Variants in GPC5 observed in about 807,000 individuals in gnomAD.
GPC5 encodes glypican-5.
GPC5 carries 47 observed loss-of-function variants against 53.9 expected under a neutral mutation model. The ratio of observed to expected loss-of-function variants is 0.87; its 90% CI spans 0.69 to 1.11. The LOEUF is 1.11. GPC5 is among the 50% of genes most tolerant of loss of function. GPC5 has a pLI of 0.00. For missense variants in GPC5, 748 were observed against 713.1 expected (o/e 1.05, Z -0.56); for synonymous variants, 286 against 263.3 (o/e 1.09, Z -0.84).
Position 91,975,077 on chromosome 13 carries a change from A to G in GPC5, c.1401+67020A>G, listed in dbSNP as rs368668136. 9.9e-5 allele frequency among the ~76,000 whole-genome samples: 15 copies of G among 152,200 alleles called. 1 individual carries two copies. Among genetic ancestry groups the G allele is most frequent in the Admixed American group, 7.2e-4 (11 of 15,282 alleles). ...AAACTGGCTAGACATATGTAGAAAG[A>G]TGAAACTGGATCCCTTCCTCACACC... On this transcript the variant is annotated intron_variant, in intron 6 of 7. Coordinates refer to ENST00000377067, the MANE Select transcript of GPC5 (RefSeq NM_004466.6).
intron 2 of GPC5, among the ~76,000 whole-genome samples, chr13:91,553,513 C>A (rs60277975): frequency 0.043 from 6,481 of 151,980 alleles, 439 homozygotes; most frequent in African/African-American, 0.15. Flanking sequence ...TTCTGTCACC[C>A]AGTTCAATCT....
At chr13:92,496,872 A>G (rs1012668408) in intron 7 of GPC5, among the ~76,000 whole-genome samples, 21 of 152,220 alleles carry the variant, frequency 1.4e-4, no homozygotes, top group South Asian at 6.2e-4. Flanking sequence ...CCACAACCTC[A>G]ATTCTTGCTT....
intron 2 of GPC5, among the ~76,000 whole-genome samples, chr13:91,609,388 A>G (rs550359699): frequency 9.2e-5 from 14 of 152,268 alleles, no homozygotes; most frequent in African/African-American, 3.4e-4. Flanking sequence ...AGAGGCTGAG[A>G]TAAAAACAGT....
intron 7 of GPC5, among the ~76,000 whole-genome samples, chr13:92,765,054 T>C (rs910302243): frequency 6.6e-6 from 1 of 152,216 alleles, no homozygotes. Flanking sequence ...ATCAATCTCA[T>C]ATTTCTTCAG....
At chr13:92,046,027 C>T (rs908909524) in intron 6 of GPC5, among the ~76,000 whole-genome samples, 2 of 152,044 alleles carry the variant, frequency 1.3e-5, no homozygotes, top group African/African-American at 2.4e-5. Context: ...AGGAGAATGG[C>T]TTGAACCCGG....
At chr13:92,422,520 A>C (rs1876620323) in intron 7 of GPC5, among the ~76,000 whole-genome samples, 13 of 117,058 alleles carry the variant, frequency 1.1e-4, no homozygotes, top group Middle Eastern at 4.5e-3. Flanking sequence ...ACACACACAC[A>C]CACACACACA....
At chr13:92,442,216 C>A (rs1024073041) in intron 7 of GPC5, among the ~76,000 whole-genome samples, 1 of 152,100 alleles carries the variant, frequency 6.6e-6, no homozygotes, top group Non-Finnish European at 1.5e-5. Flanking sequence ...ATTGAAAAAT[C>A]AAGGATGATT....
chr13:91,399,161 T>A lies in GPC5; in HGVS notation c.115T>A (p.Trp39Arg). Residue 39 changes from tryptophan to arginine, a missense_variant, in exon 1 of 8, where the codon TGG (tryptophan) becomes AGG (arginine). Transcript: ENST00000377067. Reference protein sequence around the residue: ...TCEEVRKLFQWRLLGAVRGLP... With the variant: ...TCEEVRKLFQRRLLGAVRGLP... ...CGAAGAAGTTCGGAAACTTTTCCAGTGGCGGCTGCTGGGAGCTGTCAGGGG... is the reference window on the plus strand; with the variant it reads ...CGAAGAAGTTCGGAAACTTTTCCAGAGGCGGCTGCTGGGAGCTGTCAGGGG... 3 of 1,612,932 alleles carry A rather than the reference T, an allele frequency of 1.9e-6. No homozygotes were observed. The highest frequency in any genetic ancestry group is 2.5e-6 in the Non-Finnish European group (3 of 1,179,684).
intron 2 of GPC5, among the ~76,000 whole-genome samples, chr13:91,635,841 A>G (rs1259408686): frequency 5.3e-5 from 8 of 152,016 alleles, no homozygotes; most frequent in Non-Finnish European, 4.4e-5. Context: ...GATTTTATTG[A>G]ATTTATAGAT....
intron 1 of GPC5, among the ~76,000 whole-genome samples, chr13:91,426,261 G>A (rs73614219): frequency 0.077 from 11,673 of 151,750 alleles, 1,449 homozygotes; most frequent in African/African-American, 0.26. Flanking sequence ...AGCCCCTCCC[G>A]TCACAGGCCT....
chr13:92,411,026 G>T (rs552659678), intron 7 of GPC5, among the ~76,000 whole-genome samples: 107 of 152,288 alleles, frequency 7.0e-4, no homozygotes, highest in Non-Finnish European at 1.4e-3. Context: ...CTTGAGGTCA[G>T]GAGTCTGAGG....
rs138579637 is a variant in GPC5 at position 92,283,264 on chromosome 13, G to C, written c.1561+138275G>C. The stretch of plus-strand genomic sequence containing the variant: ...AAGCAAGTCCTTAGAGACCTACAAA[G>C]AGACTTAGACTCCCACACAATAATA... On this transcript the variant is annotated intron_variant, in intron 7 of 7. Coordinates refer to ENST00000377067, the MANE Select transcript of GPC5 (RefSeq NM_004466.6). Among the ~76,000 whole-genome samples the C allele has an allele frequency of 5.1e-3, 779 of 152,256 alleles. 7 individuals are homozygous for C. The highest frequency in any genetic ancestry group is 0.018 in the African/African-American group (747 of 41,540).
At chr13:91,563,508 T>C (rs2031383001) in intron 2 of GPC5, among the ~76,000 whole-genome samples, 1 of 152,186 alleles carries the variant, frequency 6.6e-6, no homozygotes, top group Admixed American at 6.6e-5. Context: ...ATAATCAAGA[T>C]TGCATATTTA....
At chr13:91,883,947 A>ACCC (rs1308790757) in intron 5 of GPC5, among the ~76,000 whole-genome samples, 1 of 151,428 alleles carries the variant, frequency 6.6e-6, no homozygotes, top group South Asian at 2.1e-4. Flanking sequence ...CCCAGCTTTC[A>ACCC]CCCCCCTTTT....
At chr13:92,115,373 G>T (rs1267323631) in intron 6 of GPC5, among the ~76,000 whole-genome samples, 2 of 152,124 alleles carry the variant, frequency 1.3e-5, no homozygotes, top group Non-Finnish European at 2.9e-5. Flanking sequence ...GGGCATGGGG[G>T]TGCATGCCTA....
chr13:92,070,743 G>T (rs980733440), intron 6 of GPC5, among the ~76,000 whole-genome samples: 1 of 151,902 alleles, frequency 6.6e-6, no homozygotes, highest in Non-Finnish European at 1.5e-5. Flanking sequence ...CTTTCATTCT[G>T]TCAAATACTT....
chr13:91,540,649 G>A (rs1009716100), intron 2 of GPC5, among the ~76,000 whole-genome samples: 13 of 152,182 alleles, frequency 8.5e-5, no homozygotes, highest in Non-Finnish European at 1.6e-4. Flanking sequence ...ACATATCTAA[G>A]AAATGCAGTG....
intron 7 of GPC5, among the ~76,000 whole-genome samples, chr13:92,581,008 T>C (rs1177563582): frequency 6.6e-6 from 1 of 152,172 alleles, no homozygotes; most frequent in African/African-American, 2.4e-5. Context: ...TATGAATACA[T>C]TATAGAATGA....
At chr13:92,855,621 GAA>G (rs77365229) in intron 7 of GPC5, among the ~76,000 whole-genome samples, 1 of 135,984 alleles carries the variant, frequency 7.4e-6, no homozygotes. Flanking sequence ...TTTTAGAATT[GAA>G]AAAAAAAAAG....
Sources: gnomAD v4.1 joint callset for allele counts (sites outside exome capture counted in the v4.1 genomes callset) on GRCh38, gnomAD v4.1.1 for gene constraint, MANE v1.5 for transcripts, NCBI Gene and HGNC (gene_info 2026-07-23, HGNC 2026-07-21) for gene names.